Variants in LRRC8C observed in about 807,000 individuals in gnomAD.
LRRC8C encodes the protein leucine rich repeat containing 8 VRAC subunit C, also known as volume-regulated anion channel subunit LRRC8C.
A neutral mutation model predicts 55.3 loss-of-function variants in LRRC8C; 20 were observed. The observed-to-expected ratio is 0.36, with a 90% CI of 0.25 to 0.53. The LOEUF (loss-of-function observed/expected upper bound fraction) is 0.53, where lower values mean the gene tolerates loss of function less well. Among genes scored for constraint, LRRC8C ranks in the 20% least tolerant of loss-of-function variants. The pLI, the probability that LRRC8C is intolerant of heterozygous loss-of-function variation, is 0.92. For missense variants in LRRC8C, 659 were observed against 951.4 expected, an observed-to-expected ratio of 0.69 and a Z score of 4.04; for synonymous variants, 376 against 360.7, an observed-to-expected ratio of 1.04 and a Z score of -0.48.
intron 1 of LRRC8C, among the ~76,000 whole-genome samples, chr1:89,644,217 C>G (rs1656549271): frequency 6.6e-6 from 1 of 152,176 alleles, no homozygotes; most frequent in South Asian, 2.1e-4. Context: ...CTCTATTGCC[C>G]AGGCTGGAGT....
At chr1:89,628,958 T>A (rs1375136163), upstream of LRRC8C, among the ~76,000 whole-genome samples, 7 of 152,206 alleles carry the variant, frequency 4.6e-5, no homozygotes, top group Admixed American at 4.6e-4. Context: ...ACAGAGACTT[T>A]GCTTCTGAGG....
chr1:89,679,024 A>G (rs1657629793), intron 1 of LRRC8C, among the ~76,000 whole-genome samples: 1 of 152,170 alleles, frequency 6.6e-6, no homozygotes, highest in Non-Finnish European at 1.5e-5. Context: ...CGTCAAGTAT[A>G]GTTGGTATTG....
At chr1:89,651,371 A>G (rs953531836) in intron 1 of LRRC8C, among the ~76,000 whole-genome samples, 18 of 152,094 alleles carry the variant, frequency 1.2e-4, no homozygotes, top group African/African-American at 4.3e-4. Context: ...GATCGAGACC[A>G]TCCTGGCTAA....
chr1:89,692,931 C>T (rs1411430995), intron 2 of LRRC8C, among the ~76,000 whole-genome samples: 2 of 152,126 alleles, frequency 1.3e-5, no homozygotes, highest in African/African-American at 4.8e-5. Context: ...ATGACCAAAT[C>T]CAAAACAGCC....
At chr1:89,672,791 T>TATTC (rs1657457751) in intron 1 of LRRC8C, among the ~76,000 whole-genome samples, 1 of 106,278 alleles carries the variant, frequency 9.4e-6, no homozygotes, top group South Asian at 2.5e-4. Context: ...GATATTTATT[T>TATTC]ATTTATTTAT....
chr1:89,635,815 GCTATTATCA>G (rs780101085), intron 1 of LRRC8C, among the ~76,000 whole-genome samples: 1 of 152,148 alleles, frequency 6.6e-6, no homozygotes, highest in Non-Finnish European at 1.5e-5. Context: ...CTGCCCATCA[GCTATTATCA>G]CTGACATGAC....
At chr1:89,648,369 A>G (rs191602311) in intron 1 of LRRC8C, among the ~76,000 whole-genome samples, 25 of 152,356 alleles carry the variant, frequency 1.6e-4, no homozygotes, top group Middle Eastern at 3.4e-3. Flanking sequence ...CCTAAAATTT[A>G]CAACCATTAA....
At chr1:89,691,586 T>A (rs915287617) in intron 2 of LRRC8C, among the ~76,000 whole-genome samples, 1 of 152,180 alleles carries the variant, frequency 6.6e-6, no homozygotes, top group Non-Finnish European at 1.5e-5. Context: ...TGTATGTACT[T>A]TATTTAGTTC....
At chr1:89,700,358 G>A (rs1012941290) in intron 2 of LRRC8C, among the ~76,000 whole-genome samples, 1 of 152,308 alleles carries the variant, frequency 6.6e-6, no homozygotes, top group East Asian at 1.9e-4. Context: ...TCATGTGGCT[G>A]TTTATGTCCC....
intron 2 of LRRC8C, among the ~76,000 whole-genome samples, chr1:89,695,152 C>G (rs2101310709): frequency 6.6e-6 from 1 of 152,166 alleles, no homozygotes; most frequent in African/African-American, 2.4e-5. Flanking sequence ...AAACTCCTGA[C>G]CTCAGGTGAT....
Position 89,667,188 on chromosome 1 carries a change from G to A in LRRC8C, c.-4-19282G>A, listed in dbSNP as rs182460228. Among the ~76,000 whole-genome samples, 8 of 152,196 alleles carry A rather than the reference G, an allele frequency of 5.3e-5. No homozygotes were observed. The South Asian group carries it at 1.5e-3, about 28-fold the overall frequency. On this transcript the variant is annotated intron_variant, in intron 1 of 2. Coordinates refer to ENST00000370454, the MANE Select transcript of LRRC8C (RefSeq NM_032270.5). ...TTTCTCCTCTCTATATGCTGCCTAG[G>A]TGGTTTCATCCTATCACTTTTTATA...
intron 1 of LRRC8C, among the ~76,000 whole-genome samples, chr1:89,666,107 G>A (rs189429183): frequency 5.9e-5 from 9 of 152,164 alleles, no homozygotes; most frequent in Admixed American, 1.3e-4. Flanking sequence ...CTAATGATGC[G>A]TTTCTCAGAA....
chr1:89,618,702 C>T, the LRRC8C span, among the ~76,000 whole-genome samples: 1 of 152,162 alleles, frequency 6.6e-6, no homozygotes, highest in Admixed American at 6.5e-5. Context: ...TTACAAAATA[C>T]TACACAATGG....
upstream of LRRC8C, chr1:89,632,256 CA>C (rs529767158): frequency 6.0e-4 from 92 of 152,270 alleles, no homozygotes; most frequent in African/African-American, 2.0e-3. Flanking sequence ...CGGTTCAGAT[CA>C]ATCAATGAGA....
At chr1:89,679,174 T>G (rs974354664) in intron 1 of LRRC8C, among the ~76,000 whole-genome samples, 1 of 151,924 alleles carries the variant, frequency 6.6e-6, no homozygotes, top group African/African-American at 2.4e-5. Flanking sequence ...GCCAGGGAAG[T>G]AGAAGGAAAA....
chr1:89,662,216 T>C (rs1442532786), intron 1 of LRRC8C, among the ~76,000 whole-genome samples: 1 of 152,098 alleles, frequency 6.6e-6, no homozygotes, highest in African/African-American at 2.4e-5. Flanking sequence ...TTCTGTTGGG[T>C]CATATTCAAA....
At chr1:89,690,375 A>G (rs1657995598) in intron 2 of LRRC8C, among the ~76,000 whole-genome samples, 1 of 152,058 alleles carries the variant, frequency 6.6e-6, no homozygotes, top group Non-Finnish European at 1.5e-5. Flanking sequence ...TCTCAAGGAG[A>G]AGGTTAGATT....
rs555253832 is a variant in LRRC8C, at chr1:89,683,898, A to G, written c.-4-2572A>G. 2.0e-5 allele frequency among the ~76,000 whole-genome samples: 3 copies of G among 151,808 alleles called. No homozygotes were observed. In the South Asian group the frequency reaches 6.2e-4, roughly 32 times the overall value. ...GAAATTTCAGGCAAAACAACATATT[A>G]TATCATAATAGATTGCAGAAGCAGA... On this transcript the variant is annotated intron_variant, in intron 1 of 2. Coordinates refer to ENST00000370454, the MANE Select transcript of LRRC8C (RefSeq NM_032270.5).
At chr1:89,700,756 G>C (rs1658295182) in intron 2 of LRRC8C, among the ~76,000 whole-genome samples, 1 of 152,202 alleles carries the variant, frequency 6.6e-6, no homozygotes, top group African/African-American at 2.4e-5. Context: ...GTGGAGGGAG[G>C]ATGAAGCATA....
Sources: gnomAD v4.1 joint callset for allele counts (sites outside exome capture counted in the v4.1 genomes callset) on GRCh38, gnomAD v4.1.1 for gene constraint, MANE v1.5 for transcripts, NCBI Gene and HGNC (gene_info 2026-07-23, HGNC 2026-07-21) for gene names.